SLIT3: variants seen among roughly 807,000 people sequenced by gnomAD.
SLIT3 encodes slit guidance ligand 3, also known as slit homolog 3 protein.
Under a neutral mutation model 184.0 loss-of-function variants are expected in SLIT3, and 68 were observed. The ratio of observed to expected loss-of-function variants is 0.37; its 90% CI spans 0.30 to 0.45. The LOEUF (loss-of-function observed/expected upper bound fraction) is 0.45. SLIT3 is among the 20% of genes least tolerant of loss of function. The pLI, the probability that SLIT3 is intolerant of heterozygous loss-of-function variation, is 1.00. For synonymous variants in SLIT3, 831 were observed against 828.6 expected (o/e 1.00, Z -0.05); for missense variants, 1,707 against 2,026.0 (o/e 0.84, Z 3.02).
rs192960534 is a variant in SLIT3, at chr5:169,033,767, C to T, written c.414-150431G>A. ...TAGAAATGCCTATTCAGGTCTTTTGCCCATTTTTAAATTGGGTTATGTGGT... is the reference window on the plus strand; with the variant it reads ...TAGAAATGCCTATTCAGGTCTTTTGTCCATTTTTAAATTGGGTTATGTGGT... On this transcript the variant is annotated intron_variant, in intron 4 of 35. Transcript: ENST00000519560. 8.6e-5 allele frequency among the ~76,000 whole-genome samples: 13 copies of T among 151,194 alleles called. No homozygotes were observed. The East Asian group carries it at 2.3e-3, about 27-fold the overall frequency.
chr5:168,875,139 G>A (rs1759684068), intron 5 of SLIT3, among the ~76,000 whole-genome samples: 1 of 146,500 alleles, frequency 6.8e-6, no homozygotes, highest in Non-Finnish European at 1.5e-5. Flanking sequence ...AAGAATGAGA[G>A]GGAGGAAGGA....
chr5:168,684,716 C>T (rs1222634087), intron 31 of SLIT3, among the ~76,000 whole-genome samples: 1 of 152,144 alleles, frequency 6.6e-6, no homozygotes, highest in Admixed American at 6.5e-5. Context: ...ATGATTCACC[C>T]ACCTTGGCCT....
chr5:169,080,301 G>A (rs1051059695), intron 4 of SLIT3, among the ~76,000 whole-genome samples: 4 of 152,154 alleles, frequency 2.6e-5, no homozygotes, highest in Non-Finnish European at 1.5e-5. Context: ...CGTGTTTGTC[G>A]GTGATAATAA....
At chr5:168,903,194 T>A (rs1760928209) in intron 4 of SLIT3, among the ~76,000 whole-genome samples, 1 of 152,212 alleles carries the variant, frequency 6.6e-6, no homozygotes, top group Non-Finnish European at 1.5e-5. Flanking sequence ...AGACTGGCAC[T>A]CTCTCACCAT....
intron 4 of SLIT3, among the ~76,000 whole-genome samples, chr5:169,087,941 C>T (rs1414587290): frequency 6.6e-6 from 1 of 152,322 alleles, no homozygotes; most frequent in Middle Eastern, 3.4e-3. Flanking sequence ...TCTAACTTGG[C>T]ATCCCCCTAC....
chr5:169,041,352 A>G (rs574895981), intron 4 of SLIT3, among the ~76,000 whole-genome samples: 1 of 152,290 alleles, frequency 6.6e-6, no homozygotes, highest in East Asian at 1.9e-4. Flanking sequence ...GGTGACAAAC[A>G]TGCACACAGG....
chr5:169,003,491 C>T (rs1375934437), intron 4 of SLIT3, among the ~76,000 whole-genome samples: 7 of 152,326 alleles, frequency 4.6e-5, no homozygotes, highest in East Asian at 1.9e-4. Context: ...AAAATTGACA[C>T]GAGGAAACTC....
intron 20 of SLIT3, among the ~76,000 whole-genome samples, chr5:168,739,393 T>A (rs1763542030): frequency 6.6e-6 from 1 of 151,908 alleles, no homozygotes; most frequent in Admixed American, 6.6e-5. Context: ...AAAAGACTAT[T>A]AAAGTATTCC....
intron 12 of SLIT3, among the ~76,000 whole-genome samples, chr5:168,775,274 G>A (rs1267648961): frequency 6.6e-6 from 1 of 151,892 alleles, no homozygotes; most frequent in Non-Finnish European, 1.5e-5. Context: ...CTGACCCCAG[G>A]TGACCTGCCT....
chr5:169,255,416 GACC>G (rs1561769669), intron 1 of SLIT3, among the ~76,000 whole-genome samples: 3 of 152,114 alleles, frequency 2.0e-5, no homozygotes, highest in South Asian at 4.1e-4. Flanking sequence ...ACCCTGTGTA[GACC>G]TAGGCTAATG....
intron 27 of SLIT3, among the ~76,000 whole-genome samples, chr5:168,698,100 G>A (rs1762112934): frequency 6.6e-6 from 1 of 152,092 alleles, no homozygotes. Context: ...GTCTTCTGTG[G>A]GGCCTGCTCT....
chr5:168,853,583 C>G (rs986607384), intron 5 of SLIT3, among the ~76,000 whole-genome samples: 1 of 152,140 alleles, frequency 6.6e-6, no homozygotes, highest in Non-Finnish European at 1.5e-5. Context: ...ACTAAGCATC[C>G]AGTATTGAAC....
chr5:168,918,760 T>C (rs1364084426), intron 4 of SLIT3, among the ~76,000 whole-genome samples: 2 of 152,236 alleles, frequency 1.3e-5, no homozygotes, highest in Non-Finnish European at 2.9e-5. Context: ...CAAGGTTATA[T>C]GTGGATAATA....
At chr5:169,030,919 T>A (rs1388263744) in intron 4 of SLIT3, among the ~76,000 whole-genome samples, 2 of 152,198 alleles carry the variant, frequency 1.3e-5, no homozygotes, top group Non-Finnish European at 2.9e-5. Context: ...ATATGTGGTT[T>A]TAAAATTGTG....
chr5:168,750,341 TC>T (rs1228195157), intron 18 of SLIT3, among the ~76,000 whole-genome samples: 1 of 152,198 alleles, frequency 6.6e-6, no homozygotes, highest in Non-Finnish European at 1.5e-5. Context: ...ACTTTATAAA[TC>T]CATTGTCTCA....
rs1192400491 is a variant in SLIT3 at position 168,724,508 on chromosome 5, C to T, written c.2271-24G>A. ...ACCTGAAAGAGGTGTGGAGAGACAACACCTGAGAAAGAGACACTGTACAAA... is the reference window on the plus strand; with the variant it reads ...ACCTGAAAGAGGTGTGGAGAGACAATACCTGAGAAAGAGACACTGTACAAA... On this transcript the variant is annotated intron_variant, in intron 20 of 35. Coordinates refer to ENST00000519560, the MANE Select transcript of SLIT3 (RefSeq NM_003062.4). 2.3e-5 allele frequency: 37 copies of T among 1,603,866 alleles called. 1 individual carries two copies. The highest frequency in any genetic ancestry group is 2.8e-5 in the Non-Finnish European group (33 of 1,172,228).
intron 1 of SLIT3, among the ~76,000 whole-genome samples, chr5:169,276,412 G>A (rs1041751951): frequency 1.3e-5 from 2 of 152,134 alleles, no homozygotes; most frequent in African/African-American, 4.8e-5. Context: ...AAAGATTCCT[G>A]GAGTCCATTA....
chr5:168,834,643 T>C (rs1442934804), intron 6 of SLIT3, among the ~76,000 whole-genome samples: 195 of 125,994 alleles, frequency 1.5e-3, no homozygotes, highest in Admixed American at 3.6e-3. Context: ...GCTGAGATCA[T>C]GCCACTGCAC....
At chr5:168,668,700 C>T (rs903703435) in intron 35 of SLIT3, among the ~76,000 whole-genome samples, 25 of 152,174 alleles carry the variant, frequency 1.6e-4, no homozygotes, top group African/African-American at 6.0e-4. Flanking sequence ...CCTTGCACCT[C>T]GGCCTCCCAA....
Sources: allele counts gnomAD v4.1 joint callset (sites outside exome capture counted in the v4.1 genomes callset), GRCh38; gene constraint gnomAD v4.1.1; transcripts MANE v1.5; gene names NCBI Gene and HGNC (gene_info 2026-07-23, HGNC 2026-07-21).